TSPEAR: variants seen among roughly 807,000 people sequenced by gnomAD.
The protein encoded by TSPEAR is thrombospondin-type laminin G domain and EAR repeat-containing protein.
In TSPEAR, 69 loss-of-function variants were observed where a neutral mutation model predicts 71.6. The ratio of observed to expected loss-of-function variants is 0.96; its 90% CI spans 0.79 to 1.18. The LOEUF (loss-of-function observed/expected upper bound fraction) is 1.18, where lower values mean the gene tolerates loss of function less well. Among genes scored for constraint, TSPEAR ranks in the 50% most tolerant of loss-of-function variants. The probability of loss-of-function intolerance (pLI) is 0.00; values close to 1 mark genes in which losing one functional copy is unlikely to be tolerated. For missense variants in TSPEAR, 971 were observed against 894.9 expected, an observed-to-expected ratio of 1.09 and a Z score of -1.09; for synonymous variants, 402 against 387.2, an observed-to-expected ratio of 1.04 and a Z score of -0.45.
At chr21:44,558,320 A>G in intron 2 of TSPEAR, 1 of 1,613,902 alleles carries the variant, frequency 6.2e-7, no homozygotes, top group Non-Finnish European at 8.5e-7. Context: ...ATGAAGAGGA[A>G]GCCCCAGAGC....
intron 1 of TSPEAR, among the ~76,000 whole-genome samples, chr21:44,683,203 T>C (rs1046412326): frequency 2.0e-5 from 3 of 151,524 alleles, no homozygotes; most frequent in African/African-American, 7.3e-5. Context: ...ATACAGAGTG[T>C]TCCAAGTTGT....
chr21:44,609,543 C>G (rs1981526865), intron 1 of TSPEAR, among the ~76,000 whole-genome samples: 1 of 152,150 alleles, frequency 6.6e-6, no homozygotes. Flanking sequence ...GTGTACCAGG[C>G]TGAGGGAGCA....
intron 1 of TSPEAR, among the ~76,000 whole-genome samples, chr21:44,665,544 A>C (rs928719132): frequency 3.3e-5 from 5 of 152,198 alleles, no homozygotes; most frequent in Non-Finnish European, 2.9e-5. Context: ...AAATTAGAAA[A>C]CACCCATTTC....
At chr21:44,675,211 G>A (rs188508615) in intron 1 of TSPEAR, among the ~76,000 whole-genome samples, 44 of 152,160 alleles carry the variant, frequency 2.9e-4, no homozygotes, top group East Asian at 2.3e-3. Flanking sequence ...GCAGCCCATC[G>A]AAAAGATAAT....
intron 1 of TSPEAR, among the ~76,000 whole-genome samples, chr21:44,704,523 G>C (rs1987815095): frequency 6.6e-6 from 1 of 152,266 alleles, no homozygotes; most frequent in South Asian, 2.1e-4. Context: ...CTCAACACAT[G>C]AGACAGAACA....
Position 44,509,236 on chromosome 21 carries a change from G to A in TSPEAR, c.1717C>T (p.Gln573Ter), listed in dbSNP as rs782676148. Residue 573 changes from glutamine (Q) to a stop codon, truncating the protein, a stop_gained, in exon 10 of 12, where the codon CAG becomes TAG. Coordinates refer to ENST00000323084, the MANE Select transcript of TSPEAR (RefSeq NM_144991.3). LOFTEE classifies it high-confidence loss of function. Reference protein sequence around the residue: ...SVIYELNVTAQAFVKFQDILT... With the variant: ...SVIYELNVTA ...ATGTCCTGGAACTTGACAAAGGCCTGCGCGGTCACGTTCAGCTCGTAGATG... is the reference window on the plus strand; with the variant it reads ...ATGTCCTGGAACTTGACAAAGGCCTACGCGGTCACGTTCAGCTCGTAGATG... The A allele has an allele frequency of 5.0e-6, 8 of 1,613,932 alleles. No homozygotes were observed. The highest frequency in any genetic ancestry group is 5.9e-6 in the Non-Finnish European group (7 of 1,180,018).
intron 2 of TSPEAR, among the ~76,000 whole-genome samples, chr21:44,545,915 G>A (rs973225305): frequency 1.6e-4 from 25 of 152,132 alleles, no homozygotes; most frequent in Admixed American, 3.9e-4. Context: ...CTAGAGCACA[G>A]AAAAATGGAA....
intron 1 of TSPEAR, chr21:44,697,829 C>T: frequency 6.2e-7 from 1 of 1,613,320 alleles, no homozygotes; most frequent in South Asian, 1.1e-5. Flanking sequence ...CCGCCGCGTG[C>T]CCGTCCCCTC....
intron 1 of TSPEAR, among the ~76,000 whole-genome samples, chr21:44,707,297 C>CGGGGG (rs1198492518): frequency 2.1e-5 from 1 of 48,330 alleles, no homozygotes; most frequent in Non-Finnish European, 5.3e-5. Flanking sequence ...GGAAAGGACG[C>CGGGGG]GGGGTGGGGG....
chr21:44,668,007 A>C (rs1985877620), intron 1 of TSPEAR, among the ~76,000 whole-genome samples: 1 of 152,222 alleles, frequency 6.6e-6, no homozygotes, highest in African/African-American at 2.4e-5. Context: ...ATTGGGAACA[A>C]AGCCAGCATA....
chr21:44,652,301 A>AT (rs1207250082), intron 1 of TSPEAR, among the ~76,000 whole-genome samples: 1 of 152,072 alleles, frequency 6.6e-6, no homozygotes, highest in African/African-American at 2.4e-5. Flanking sequence ...TAAAAGTTTA[A>AT]TTTTTTTCCT....
At chr21:44,503,850 G>A (rs1321084733) in intron 11 of TSPEAR, among the ~76,000 whole-genome samples, 1 of 139,760 alleles carries the variant, frequency 7.2e-6, no homozygotes, top group Non-Finnish European at 1.5e-5. Context: ...GCCTTGGTGA[G>A]CCCTTGGGGG....
chr21:44,647,769 CA>C, intron 1 of TSPEAR: 5 of 232,238 alleles, frequency 2.2e-5, no homozygotes, highest in Non-Finnish European at 3.4e-5. Flanking sequence ...ATTCCGAGAT[CA>C]AACACTTGGA....
chr21:44,582,026 A>G (rs1164987659), intron 1 of TSPEAR, among the ~76,000 whole-genome samples: 1 of 152,146 alleles, frequency 6.6e-6, no homozygotes, highest in Non-Finnish European at 1.5e-5. Flanking sequence ...ATATCCTTTC[A>G]GTGATTATTA....
intron 1 of TSPEAR, among the ~76,000 whole-genome samples, chr21:44,614,254 C>G (rs1981921983): frequency 6.6e-6 from 1 of 152,260 alleles, no homozygotes; most frequent in African/African-American, 2.4e-5. Flanking sequence ...ACGGTCTGAG[C>G]TGGGGATGGC....
intron 1 of TSPEAR, among the ~76,000 whole-genome samples, chr21:44,628,551 T>C (rs1601505409): frequency 1.3e-5 from 2 of 152,002 alleles, no homozygotes; most frequent in South Asian, 2.1e-4. Context: ...CGTTCTGCTG[T>C]CCGGCTCCCC....
chr21:44,539,523 A>G lies in TSPEAR; in HGVS notation c.304-5600T>C, dbSNP rs782596173. On this transcript the variant is annotated intron_variant, in intron 2 of 11. Coordinates refer to ENST00000323084, the MANE Select transcript of TSPEAR (RefSeq NM_144991.3). ...GGCTGGCAGCTAGACTGCTGGCAGC[A>G]TGAAGTGGAAGCCCCAGAGCAGACG... 15 of 1,613,584 alleles carry G rather than the reference A, an allele frequency of 9.3e-6. No individual in the cohort carries two copies. In the African/African-American group the frequency reaches 1.2e-4, roughly 13 times the overall value.
At chr21:44,518,765 G>A in intron 9 of TSPEAR, 1 of 455,826 alleles carries the variant, frequency 2.2e-6, no homozygotes, top group South Asian at 1.6e-5. Context: ...TTCCTTGTGT[G>A]ATAACGTTTC....
Position 44,623,327 on chromosome 21 carries a change from T to C in TSPEAR, c.83-55322A>G, listed in dbSNP as rs1569225108. Among the ~76,000 whole-genome samples, 1 of 152,234 alleles carries C rather than the reference T, an allele frequency of 6.6e-6. No individual in the cohort carries two copies. Among genetic ancestry groups the C allele is most frequent in the African/African-American group, 2.4e-5 (1 of 41,456 alleles). On this transcript the variant is annotated intron_variant, in intron 1 of 11. Transcript: ENST00000323084. The surrounding 1 kb of genome is among the most constrained non-coding windows in gnomAD (Gnocchi z 4.5). ...CATGAATCTATGACTTTTTAAAGTC[T>C]AATGTAAATTAGATCTTATATTATT... is the stretch of plus-strand genomic sequence containing the variant.
Sources: allele counts gnomAD v4.1 joint callset (sites outside exome capture counted in the v4.1 genomes callset), GRCh38; gene constraint gnomAD v4.1.1; non-coding constraint Gnocchi (gnomAD v3.1); transcripts MANE v1.5; gene names NCBI Gene and HGNC (gene_info 2026-07-23, HGNC 2026-07-21).